OLA1: variants seen among roughly 807,000 people sequenced by gnomAD.
The protein encoded by OLA1 is obg-like ATPase 1.
In OLA1, 14 loss-of-function variants were observed where a neutral mutation model predicts 48.4. The observed-to-expected ratio is 0.29, with a 90% CI of 0.19 to 0.45. OLA1 has a LOEUF of 0.45. Ranked by LOEUF, OLA1 falls within the 20% of genes least tolerant of loss-of-function variation. The probability of loss-of-function intolerance (pLI) is 1.00; values close to 1 mark genes in which losing one functional copy is unlikely to be tolerated. For missense variants in OLA1, 325 were observed against 467.1 expected, an observed-to-expected ratio of 0.70 and a Z score of 2.80; for synonymous variants, 127 against 150.4, an observed-to-expected ratio of 0.84 and a Z score of 1.14.
chr2:174,144,954 ATATAT>A (rs1558975312), intron 4 of OLA1, among the ~76,000 whole-genome samples: 19 of 58,902 alleles, frequency 3.2e-4, no homozygotes, highest in South Asian at 6.0e-4. Flanking sequence ...AAAAAAAAAT[ATATAT>A]ATATATATAT....
intron 2 of OLA1, among the ~76,000 whole-genome samples, chr2:174,234,894 C>A (rs1006331389): frequency 1.3e-5 from 2 of 152,146 alleles, no homozygotes; most frequent in Non-Finnish European, 2.9e-5. Flanking sequence ...CATGGTAGCC[C>A]AAGCCTGTAA....
chr2:174,079,111 G>C, intron 9 of OLA1, 21 bp from the exon 10 acceptor site: 1 of 1,572,074 alleles, frequency 6.4e-7, no homozygotes, highest in East Asian at 2.3e-5. Flanking sequence ...AAAGACCAGA[G>C]AAAACTAATT....
At chr2:174,137,990 C>G (rs1474364222) in intron 5 of OLA1, among the ~76,000 whole-genome samples, 4 of 152,146 alleles carry the variant, frequency 2.6e-5, no homozygotes, top group Non-Finnish European at 5.9e-5. Context: ...AGTGAGACAC[C>G]ATGTCAAAAC....
chr2:174,088,913 T>G lies in OLA1; in HGVS notation c.729-6849A>C, dbSNP rs976992556. Reference sequence around the variant, plus strand: ...ATAAATAAATAAATAAATAAATAAATAAAGCTCCATCTTCCATACATGTAA... The same window carrying G: ...ATAAATAAATAAATAAATAAATAAAGAAAGCTCCATCTTCCATACATGTAA... On this transcript the variant is annotated intron_variant, in intron 7 of 10. Coordinates refer to ENST00000284719, the MANE Select transcript of OLA1 (RefSeq NM_013341.5). Among the ~76,000 whole-genome samples, 20 of 150,532 alleles carry G rather than the reference T, an allele frequency of 1.3e-4. 1 individual carries two copies. The highest frequency in any genetic ancestry group is 3.9e-4 in the African/African-American group (16 of 40,572).
chr2:174,148,761 C>T (rs1686674426), intron 4 of OLA1, among the ~76,000 whole-genome samples: 1 of 152,180 alleles, frequency 6.6e-6, no homozygotes, highest in Non-Finnish European at 1.5e-5. Flanking sequence ...TCCTTCTTCC[C>T]AGCAGTAAAA....
chr2:174,205,473 C>A (rs947958281), intron 4 of OLA1, among the ~76,000 whole-genome samples: 1 of 152,178 alleles, frequency 6.6e-6, no homozygotes, highest in Non-Finnish European at 1.5e-5. Flanking sequence ...ACCTGAAATG[C>A]AAGAGAAGAC....
At chr2:174,229,569 G>A in intron 2 of OLA1, 118 bp from the exon 3 acceptor site, 3 of 702,056 alleles carry the variant, frequency 4.3e-6, no homozygotes, top group Middle Eastern at 2.9e-4. Flanking sequence ...AATCTACAAA[G>A]AGAGGGAAAA....
chr2:174,178,532 A>G (rs911731269), intron 4 of OLA1, among the ~76,000 whole-genome samples: 2 of 151,980 alleles, frequency 1.3e-5, no homozygotes, highest in African/African-American at 4.8e-5. Flanking sequence ...AACTTACTCT[A>G]CTTCCTTAAG....
intron 7 of OLA1, among the ~76,000 whole-genome samples, chr2:174,112,478 C>T (rs1685676077): frequency 6.6e-6 from 1 of 152,166 alleles, no homozygotes; most frequent in South Asian, 2.1e-4. Flanking sequence ...TCTGCCATTG[C>T]TCTACCTCAT....
intron 4 of OLA1, among the ~76,000 whole-genome samples, chr2:174,184,292 C>G (rs1687606354): frequency 6.6e-6 from 1 of 152,084 alleles, no homozygotes; most frequent in South Asian, 2.1e-4. Flanking sequence ...CAAGGAAGAT[C>G]ACTAATGGCA....
chr2:174,087,038 T>G (rs1270769930), intron 7 of OLA1, among the ~76,000 whole-genome samples: 2 of 151,586 alleles, frequency 1.3e-5, no homozygotes, highest in Non-Finnish European at 2.9e-5. Flanking sequence ...TTTCTTTTTT[T>G]TTTTTTTGAG....
chr2:174,093,016 C>T (rs920715469), intron 7 of OLA1, among the ~76,000 whole-genome samples: 149 of 152,312 alleles, frequency 9.8e-4, no homozygotes, highest in African/African-American at 2.9e-3. Flanking sequence ...CCCGAATCTC[C>T]GGCTTCTTAC....
intron 7 of OLA1, among the ~76,000 whole-genome samples, chr2:174,106,441 A>G (rs1685516675): frequency 6.6e-6 from 1 of 152,138 alleles, no homozygotes; most frequent in Admixed American, 6.6e-5. Flanking sequence ...AAATTACTCA[A>G]TTGCATGCAA....
At chr2:174,106,277 T>C (rs1685512885) in intron 7 of OLA1, among the ~76,000 whole-genome samples, 1 of 152,030 alleles carries the variant, frequency 6.6e-6, no homozygotes, top group African/African-American at 2.4e-5. Context: ...AAACAAAACA[T>C]CTCATATATA....
chr2:174,119,750 C>G (rs776343831), intron 7 of OLA1, among the ~76,000 whole-genome samples: 38 of 152,044 alleles, frequency 2.5e-4, no homozygotes, highest in Non-Finnish European at 5.2e-4. Context: ...AAACATTTTT[C>G]TATTTAAAAT....
At position 174,141,997 on chromosome 2, in the gene OLA1, G is replaced by C; in HGVS notation, c.377C>G (p.Ala126Gly). ...GTGCGTGATATCATCATCTTCAAAA[G>C]CACCTAAAATGAATTAAAGGGAAGC... ...ACDGIFHLTR[A>G]FEDDDITHVE... The change falls in exon 5 of 11, where the codon GCT (alanine) becomes GGT (glycine). Residue 126 changes from alanine to glycine, a missense_variant. Ala to Gly is a moderately conservative substitution (Grantham distance 60, BLOSUM62 0). Transcript: ENST00000284719. 6.2e-7 allele frequency: 1 copy of C among 1,612,616 alleles called. No homozygotes were observed. The highest frequency in any genetic ancestry group is 8.5e-7 in the Non-Finnish European group (1 of 1,179,448).
At chr2:174,233,373 T>C (rs574276570) in intron 2 of OLA1, among the ~76,000 whole-genome samples, 2 of 152,290 alleles carry the variant, frequency 1.3e-5, no homozygotes, top group African/African-American at 4.8e-5. Context: ...AATTGTATAA[T>C]ATATTACATT....
At chr2:174,108,615 G>A (rs1685567425) in intron 7 of OLA1, among the ~76,000 whole-genome samples, 1 of 152,094 alleles carries the variant, frequency 6.6e-6, no homozygotes. Flanking sequence ...ACTGGAGCCA[G>A]GAAACTGGAG....
intron 2 of OLA1, chr2:174,240,583 A>G (rs1325022537): frequency 6.6e-6 from 1 of 152,228 alleles, no homozygotes; most frequent in Non-Finnish European, 1.5e-5. Context: ...TAAGAAAAAA[A>G]AAGACTTTTT....
Sources: allele counts gnomAD v4.1 joint callset (sites outside exome capture counted in the v4.1 genomes callset), GRCh38; gene constraint gnomAD v4.1.1; transcripts MANE v1.5; gene names NCBI Gene and HGNC (gene_info 2026-07-23, HGNC 2026-07-21).